The following CLUH variants were observed in gnomAD, a reference collection of about 807,000 sequenced individuals.
CLUH encodes the protein CLUH binding protein of NUMT mRNA.
A neutral mutation model predicts 139.3 loss-of-function variants in CLUH; 77 were observed. The observed-to-expected ratio is 0.55, with a 90% confidence interval of 0.46 to 0.67. The LOEUF (loss-of-function observed/expected upper bound fraction) is 0.67, where lower values mean the gene tolerates loss of function less well. Among genes scored for constraint, CLUH ranks in the 30% least tolerant of loss-of-function variants. The pLI is 0.00. For missense variants in CLUH, 1,876 were observed against 1,875.8 expected (o/e 1.00, Z 0.00); for synonymous variants, 999 against 801.6 (o/e 1.25, Z -4.16).
intron 22 of CLUH, 38 bp downstream of exon 22, chr17:2,692,323 C>T (rs1256298468): frequency 1.1e-5 from 17 of 1,503,572 alleles, no homozygotes; most frequent in Non-Finnish European, 1.4e-5. Context: ...CCCCGCAGGC[C>T]TCCGCCGGCC....
Position 2,700,491 on chromosome 17 carries a change from G to C in CLUH, c.1174-17C>G. ...GTCTCGGGTCTGCAGAGAGATCAGG[G>C]AGGGAAAAACGAGCTCAGCCTGTGC... On this transcript the variant is annotated splice_polypyrimidine_tract_variant and intron_variant, in intron 8 of 25. Coordinates refer to ENST00000651024, the MANE Select transcript of CLUH (RefSeq NM_001366661.1). 6.2e-7 allele frequency: 1 copy of C among 1,606,510 alleles called. No individual in the cohort carries two copies. The highest frequency in any genetic ancestry group is 8.5e-7 in the Non-Finnish European group (1 of 1,177,700).
At chr17:2,691,142 C>A (rs565561653) in intron 25 of CLUH, among the ~76,000 whole-genome samples, 1 of 151,696 alleles carries the variant, frequency 6.6e-6, no homozygotes, top group African/African-American at 2.4e-5. Context: ...CCCCCCCCGC[C>A]GCAGGATGGG....
intron 10 of CLUH, among the ~76,000 whole-genome samples, chr17:2,697,558 C>T (rs1451980136): frequency 6.6e-6 from 1 of 152,224 alleles, no homozygotes; most frequent in South Asian, 2.1e-4. Context: ...ATTTCCTAAG[C>T]ACTAAACACC....
Position 2,706,968 on chromosome 17 carries a change from A to G in CLUH, c.101-2404T>C, listed in dbSNP as rs1449396656. Among the ~76,000 whole-genome samples the G allele has an allele frequency of 1.3e-5, 2 of 152,208 alleles. No individual in the cohort carries two copies. Among genetic ancestry groups the G allele is most frequent in the Non-Finnish European group, 2.9e-5 (2 of 68,030 alleles). ...GGCTCCCACTCTCCTTCCCCAGCCC[A>G]GGGAGACGACCCTCAGGGGGTACCT... On this transcript the variant is annotated intron_variant, in intron 1 of 25. Transcript: ENST00000651024. This position sits in a 1 kb window ranked among gnomAD's most constrained non-coding sequence, Gnocchi z 4.6.
Position 2,691,973 on chromosome 17 carries a change from C to CCCCCG in CLUH, c.3654+26_3654+30dup, listed in dbSNP as rs755933672. ...CCCGCCCCGCCACGCCCCCGCCCCGCCCCCGCCCCCGCCACGCCCCCGCCG... is the reference window on the plus strand; with the variant it reads ...CCCGCCCCGCCACGCCCCCGCCCCGCCCCCGCCCCGCCCCCGCCACGCCCCCGCCG... On this transcript the variant is annotated intron_variant, in intron 23 of 25. Coordinates refer to ENST00000651024, the MANE Select transcript of CLUH (RefSeq NM_001366661.1). The CCCCCG allele has an allele frequency of 1.9e-3, 905 of 466,824 alleles. 9 individuals are homozygous for CCCCCG. Among genetic ancestry groups the CCCCCG allele is most frequent in the African/African-American group, 2.9e-3 (55 of 18,838 alleles). The allele number at this position is 466,824 out of a possible 1,614,324, so 28.9% of individuals were successfully genotyped here.
rs377726368 is a variant in CLUH at position 2,694,831 on chromosome 17, C to T, written c.2852+26G>A. 21 of 1,462,916 alleles carry T rather than the reference C, an allele frequency of 1.4e-5. 1 individual carries two copies. The African/African-American group carries it at 2.4e-4, about 17-fold the overall frequency. The allele number at this position is 1,462,916 out of a possible 1,614,324, so 90.6% of individuals were successfully genotyped here. ...CGCCTCATCTGCCCAATCCCACCCA[C>T]CCCACCGCCCCTGCCCCGCACGCAC... On this transcript the variant is annotated intron_variant, in intron 16 of 25. Transcript: ENST00000651024.
In CLUH at chr17:2,697,979, G is replaced by T; in HGVS notation, c.1878C>A (p.Cys626Ter). 1 of 1,586,664 alleles carries T rather than the reference G, an allele frequency of 6.3e-7. No individual in the cohort carries two copies. Among genetic ancestry groups the T allele is most frequent in the Non-Finnish European group, 8.5e-7 (1 of 1,171,860 alleles). ...GGGCGCGGGGGAAGCCGGCGCGGGCGCATTCCTCAGGCAGCTCCTCGCCAG... is the reference window on the plus strand; with the variant it reads ...GGGCGCGGGGGAAGCCGGCGCGGGCTCATTCCTCAGGCAGCTCCTCGCCAG... ...PVPGEELPEE[C>*]ARAGFPRAHR... Residue 626 changes from cysteine to a stop codon, truncating the protein, a stop_gained, in exon 10 of 26, where the codon TGC becomes TGA. Transcript: ENST00000651024. LOFTEE classifies it high-confidence loss of function.
chr17:2,699,274 G>A (rs761320906), intron 9 of CLUH, among the ~76,000 whole-genome samples: 3 of 152,154 alleles, frequency 2.0e-5, no homozygotes, highest in Admixed American at 6.5e-5. Flanking sequence ...GTCGGTACCC[G>A]AGAAATGAGT....
rs1201303701 is a variant in CLUH at position 2,704,506 on chromosome 17, C to T, written c.159G>A (p.Ala53=). 1.9e-6 allele frequency: 3 copies of T among 1,585,312 alleles called. No individual in the cohort carries two copies. The highest frequency in any genetic ancestry group is 2.6e-6 in the Non-Finnish European group (3 of 1,166,128). The change falls in exon 2 of 26, where the codon GCG becomes GCA. Residue 53 remains alanine (A), a synonymous_variant. Coordinates refer to ENST00000651024, the MANE Select transcript of CLUH (RefSeq NM_001366661.1). This position sits in a 1 kb window ranked among gnomAD's most constrained non-coding sequence, Gnocchi z 5.7. ...GDCPESLKKE[A]AAAEPPRENG... ...TTTCCCTGGGTGGCTCGGCCGCCGC[C>T]GCCTCCTTCTTCAGGCTCTCTGGGC...
rs1292480801 is a variant in CLUH at position 2,706,844 on chromosome 17, A to C, written c.101-2280T>G. Among the ~76,000 whole-genome samples, 2 of 152,162 alleles carry C rather than the reference A, an allele frequency of 1.3e-5. No homozygotes were observed. Among genetic ancestry groups the C allele is most frequent in the African/African-American group, 4.8e-5 (2 of 41,436 alleles). On this transcript the variant is annotated intron_variant, in intron 1 of 25. Transcript: ENST00000651024. The surrounding 1 kb of genome is among the most constrained non-coding windows in gnomAD (Gnocchi z 4.6). ...AGCAGTTTTGAGCTATGAGATCCCAAAAGTGGGGAGTCAAATACCTAGACA... is the reference window on the plus strand; with the variant it reads ...AGCAGTTTTGAGCTATGAGATCCCACAAGTGGGGAGTCAAATACCTAGACA...
At chr17:2,692,290 C>T (rs1597597149) in intron 22 of CLUH, 71 bp downstream of exon 22, 8 of 1,474,076 alleles carry the variant, frequency 5.4e-6, no homozygotes, top group East Asian at 2.5e-5. Flanking sequence ...AGCACTGGGT[C>T]TCTTCCCCGC....
Position 2,690,770 on chromosome 17 carries a change from C to CT in CLUH, c.3870dup (p.Asp1291ArgfsTer24). On this transcript the variant is annotated frameshift_variant, in exon 26 of 26. Coordinates refer to ENST00000651024, the MANE Select transcript of CLUH (RefSeq NM_001366661.1). LOFTEE classifies it high-confidence loss of function. ...ACCTCGGCTTTCAGATTCTCCAGGT[C>CT]TTTTTGGCTGAGGATAAGGGTGGGG... 6.6e-7 allele frequency: 1 copy of CT among 1,511,832 alleles called. No individual in the cohort carries two copies. Among genetic ancestry groups the CT allele is most frequent in the South Asian group, 1.3e-5 (1 of 74,882 alleles). The allele number at this position is 1,511,832 out of a possible 1,614,324, so 93.7% of individuals were successfully genotyped here.
At chr17:2,702,139 G>C in intron 3 of CLUH, 82 bp from the exon 4 acceptor site, 1 of 1,516,352 alleles carries the variant, frequency 6.6e-7, no homozygotes, top group African/African-American at 1.4e-5. Context: ...AGGTTTTGGA[G>C]GTGCTAACAC....
rs750577311 is a variant in CLUH at position 2,695,405 on chromosome 17, C to G, written c.2513G>C (p.Ser838Thr). 11 of 1,612,580 alleles carry G rather than the reference C, an allele frequency of 6.8e-6. No individual in the cohort carries two copies. Among genetic ancestry groups the G allele is most frequent in the Non-Finnish European group, 9.3e-6 (11 of 1,179,696 alleles). The change falls in exon 14 of 26, where the codon AGC becomes ACC. Residue 838 changes from serine (S) to threonine (T), a missense_variant. Physicochemically the swap from Ser to Thr is moderately conservative, Grantham distance 58 (BLOSUM62 1). Coordinates refer to ENST00000651024, the MANE Select transcript of CLUH (RefSeq NM_001366661.1). The part of the protein sequence containing the change: ...LGKVLELVLR[S>T]PARHQLDHVF... ...GTGGTCCAGCTGGTGGCGGGCCGGGCTCCGCAGCACCAGCTCCAGCACCTT... is the reference window on the plus strand; with the variant it reads ...GTGGTCCAGCTGGTGGCGGGCCGGGGTCCGCAGCACCAGCTCCAGCACCTT...
intron 16 of CLUH, 39 bp from the exon 17 acceptor site, chr17:2,694,603 G>C: frequency 6.6e-7 from 1 of 1,519,954 alleles, no homozygotes; most frequent in African/African-American, 1.4e-5. Flanking sequence ...CCCAAGCACC[G>C]CCGGGCCCCC....
At chr17:2,696,108 G>C in intron 13 of CLUH, 51 bp downstream of exon 13, 1 of 1,426,300 alleles carries the variant, frequency 7.0e-7, no homozygotes, top group Non-Finnish European at 9.7e-7. Flanking sequence ...ACAGATGAGG[G>C]ACCAGCACCC....
chr17:2,693,003 G>A, intron 19 of CLUH, 143 bp from the exon 20 acceptor site: 1 of 694,544 alleles, frequency 1.4e-6, no homozygotes, highest in Non-Finnish European at 2.2e-6. Context: ...CAGCAGGGGG[G>A]AGGGGGATCA....
chr17:2,696,390 C>G (rs1294227676), intron 12 of CLUH, 44 bp downstream of exon 12: 3 of 1,537,244 alleles, frequency 2.0e-6, no homozygotes, highest in South Asian at 2.4e-5. Flanking sequence ...CAGCGAAGCT[C>G]TGGCCCTGGA....
At chr17:2,697,401 GAAAA>G (rs79574930) in intron 10 of CLUH, among the ~76,000 whole-genome samples, 1 of 121,754 alleles carries the variant, frequency 8.2e-6, no homozygotes, top group Non-Finnish European at 1.8e-5. Context: ...CTCCGTCTCA[GAAAA>G]AAAAAAAAAA....
Sources: allele counts gnomAD v4.1 joint callset (sites outside exome capture counted in the v4.1 genomes callset), GRCh38; gene constraint gnomAD v4.1.1; non-coding constraint Gnocchi (gnomAD v3.1); transcripts MANE v1.5; gene names NCBI Gene and HGNC (gene_info 2026-07-23, HGNC 2026-07-21).